The following CCDC50 variants were observed in gnomAD, a reference collection of about 807,000 sequenced individuals.
CCDC50 encodes coiled-coil domain containing 50, also known as coiled-coil domain-containing protein 50.
In CCDC50, 54 loss-of-function variants were observed where a neutral mutation model predicts 70.2. The observed-to-expected ratio is 0.77, with a 90% confidence interval of 0.62 to 0.96. The LOEUF (loss-of-function observed/expected upper bound fraction) is 0.96. CCDC50 is among the 50% of genes least tolerant of loss of function. The probability of loss-of-function intolerance (pLI) is 0.00; values close to 1 mark genes in which losing one functional copy is unlikely to be tolerated. For missense variants in CCDC50, 558 were observed against 578.7 expected (o/e 0.96, Z 0.37); for synonymous variants, 216 against 198.8 (o/e 1.09, Z -0.73).
intron 11 of CCDC50, among the ~76,000 whole-genome samples, chr3:191,390,553 C>G (rs1347505808): frequency 6.6e-6 from 1 of 152,068 alleles, no homozygotes; most frequent in East Asian, 1.9e-4. Context: ...ACTGAGGGTT[C>G]CTCCCCTTTA....
intron 4 of CCDC50, among the ~76,000 whole-genome samples, chr3:191,364,108 C>CA (rs1712592182): frequency 6.6e-6 from 1 of 150,458 alleles, no homozygotes; most frequent in Non-Finnish European, 1.5e-5. Context: ...CTTGCTCTGT[C>CA]TCCAGGCTGG....
At chr3:191,382,659 GTTAAAC>G in intron 9 of CCDC50, 81 bp from the exon 10 acceptor site, 1 of 865,940 alleles carries the variant, frequency 1.2e-6, no homozygotes, top group Non-Finnish European at 2.0e-6. Flanking sequence ...ATAAACATAC[GTTAAAC>G]TTAATCTTTC....
intron 4 of CCDC50, among the ~76,000 whole-genome samples, chr3:191,367,159 G>A (rs1041056638): frequency 8.6e-5 from 13 of 152,020 alleles, no homozygotes; most frequent in Admixed American, 8.5e-4. Context: ...GTGCTAAGGT[G>A]CATGACATGT....
At chr3:191,368,284 G>C (rs558609727) in intron 4 of CCDC50, among the ~76,000 whole-genome samples, 1 of 152,094 alleles carries the variant, frequency 6.6e-6, no homozygotes, top group South Asian at 2.1e-4. Context: ...TGTTAAGTAG[G>C]ATTATGATAT....
chr3:191,335,629 A>C (rs1486190273), intron 1 of CCDC50, among the ~76,000 whole-genome samples: 4 of 152,170 alleles, frequency 2.6e-5, no homozygotes, highest in Admixed American at 2.6e-4. Flanking sequence ...GCATACACAC[A>C]TACATTAAGT....
chr3:191,389,853 C>CTTTTTTTT lies in CCDC50; in HGVS notation c.1429+269_1429+276dup, dbSNP rs10635756. On this transcript the variant is annotated intron_variant, in intron 11 of 11. Transcript: ENST00000392455. ...GAGCACAACGCTTTCATCAAATTCA[C>CTTTTTTTT]TTTTTTTTTTTTTTTTTTTTTTTTT... 7.1e-4 allele frequency among the ~76,000 whole-genome samples: 60 copies of CTTTTTTTT among 84,642 alleles called. 1 individual carries two copies. Among genetic ancestry groups the CTTTTTTTT allele is most frequent in the Admixed American group, 8.3e-4 (5 of 6,002 alleles). 55.5% of individuals were successfully genotyped at this position (84,642 alleles called of 152,430 possible).
At chr3:191,336,978 T>A (rs1711539769) in intron 1 of CCDC50, among the ~76,000 whole-genome samples, 1 of 152,200 alleles carries the variant, frequency 6.6e-6, no homozygotes, top group African/African-American at 2.4e-5. Flanking sequence ...AAATAATGTT[T>A]TGTGATGTGA....
intron 4 of CCDC50, among the ~76,000 whole-genome samples, chr3:191,369,446 G>A (rs1243045717): frequency 6.6e-6 from 1 of 152,152 alleles, no homozygotes; most frequent in African/African-American, 2.4e-5. Context: ...GTGGGAGACA[G>A]AAGGAAGATT....
At chr3:191,386,216 A>ATTTTTTTT (rs76983981) in intron 10 of CCDC50, among the ~76,000 whole-genome samples, 1 of 125,734 alleles carries the variant, frequency 8.0e-6, no homozygotes. Context: ...TAGTATGGGC[A>ATTTTTTTT]TTTTTTTTTT....
chr3:191,390,976 T>C (rs1012704084), intron 11 of CCDC50, among the ~76,000 whole-genome samples: 4 of 152,208 alleles, frequency 2.6e-5, no homozygotes, highest in African/African-American at 9.6e-5. Flanking sequence ...TAAAATGAAA[T>C]GGTGAAAAGG....
intron 1 of CCDC50, among the ~76,000 whole-genome samples, chr3:191,342,237 G>C (rs972733875): frequency 6.6e-6 from 1 of 152,216 alleles, no homozygotes; most frequent in African/African-American, 2.4e-5. Context: ...GGAATTGCCA[G>C]TATTGCAGTT....
intron 11 of CCDC50, among the ~76,000 whole-genome samples, chr3:191,391,097 G>A (rs1713678994): frequency 6.8e-6 from 1 of 148,130 alleles, no homozygotes; most frequent in Non-Finnish European, 1.5e-5. Context: ...TTTGCACAGT[G>A]CAGTAGACTT....
chr3:191,374,153 C>A (rs2054824), intron 5 of CCDC50, among the ~76,000 whole-genome samples: 73,377 of 151,856 alleles, frequency 0.48, 18,902 homozygotes, highest in African/African-American at 0.68. Context: ...AGTGCATATG[C>A]ATTTGCTGCC....
intron 7 of CCDC50, 116 bp from the exon 8 acceptor site, chr3:191,380,571 C>T: frequency 2.0e-6 from 2 of 1,014,526 alleles, no homozygotes; most frequent in Non-Finnish European, 3.0e-6. Context: ...GATTATCAAC[C>T]TCAGGAACAT....
chr3:191,330,016 C>T (rs971881398), intron 1 of CCDC50, among the ~76,000 whole-genome samples: 1 of 151,554 alleles, frequency 6.6e-6, no homozygotes, highest in African/African-American at 2.4e-5. Context: ...CGCAAAGCCT[C>T]AGTGGACGCT....
intron 1 of CCDC50, among the ~76,000 whole-genome samples, chr3:191,342,804 CT>C (rs1711777282): frequency 6.6e-6 from 1 of 152,166 alleles, no homozygotes; most frequent in African/African-American, 2.4e-5. Flanking sequence ...TCTGGATATG[CT>C]TTGTGAAAAA....
At chr3:191,382,615 T>G (rs1576973755) in intron 9 of CCDC50, 131 bp from the exon 10 acceptor site, 1 of 649,312 alleles carries the variant, frequency 1.5e-6, no homozygotes, top group East Asian at 2.8e-5. Context: ...TTAAATATAA[T>G]TAATCTGAAA....
chr3:191,375,649 A>C lies in CCDC50; in HGVS notation c.976+60A>C, dbSNP rs796528391. The C allele has an allele frequency of 1.9e-5, 29 of 1,542,814 alleles. No individual in the cohort carries two copies. The African/African-American group carries it at 3.7e-4, about 20-fold the overall frequency. On this transcript the variant is annotated intron_variant, in intron 6 of 11. Coordinates refer to ENST00000392455, the MANE Select transcript of CCDC50 (RefSeq NM_178335.3). The stretch of plus-strand genomic sequence containing the variant: ...TCATGTATATAACTACAAACCAATG[A>C]ATTTAATAAGTACCTTAAGCAACCT...
chr3:191,360,159 G>GT (rs1054506548), intron 3 of CCDC50, among the ~76,000 whole-genome samples: 14 of 152,334 alleles, frequency 9.2e-5, no homozygotes, highest in Middle Eastern at 3.4e-3. Flanking sequence ...CCGGGCTGCC[G>GT]TAAGTCAGGA....
Sources: gnomAD v4.1 joint callset for allele counts (sites outside exome capture counted in the v4.1 genomes callset) on GRCh38, gnomAD v4.1.1 for gene constraint, MANE v1.5 for transcripts, NCBI Gene and HGNC (gene_info 2026-07-23, HGNC 2026-07-21) for gene names.